Variants in LTK observed in about 807,000 individuals in gnomAD.
The protein encoded by LTK is leukocyte tyrosine kinase receptor.
Under a neutral mutation model 101.5 loss-of-function variants are expected in LTK, and 117 were observed. The observed-to-expected ratio is 1.15, with a 90% CI of 0.99 to 1.34. The LOEUF is 1.34. LTK is among the 40% of genes most tolerant of loss of function. The pLI is 0.00. For missense variants in LTK, 1,252 were observed against 1,164.7 expected (o/e 1.07, Z -1.09); for synonymous variants, 563 against 494.2 (o/e 1.14, Z -1.85).
At position 41,504,080 on chromosome 15, in the gene LTK, G is replaced by T; in HGVS notation, c.2511C>A (p.Gly837=). 6.2e-7 allele frequency: 1 copy of T among 1,614,026 alleles called. No individual in the cohort carries two copies. Among genetic ancestry groups the T allele is most frequent in the Non-Finnish European group, 8.5e-7 (1 of 1,180,022 alleles). ...GCTTGAGGCCAGAGGACAGCCAGGG[G>T]CCAAGAGGGCTACCTCCCCAGCTTT... ...KLKSWGGSPL[G]PWLSSGLKPL... is the part of the protein sequence containing the mutation. The change falls in exon 20 of 20, where the codon GGC becomes GGA. Residue 837 remains glycine (G), a synonymous_variant. Coordinates refer to ENST00000263800, the MANE Select transcript of LTK (RefSeq NM_002344.6).
Position 41,509,077 on chromosome 15 carries a change from T to G in LTK, c.1050A>C (p.Val350=). 1.2e-6 allele frequency: 2 copies of G among 1,613,838 alleles called. No individual in the cohort carries two copies. The highest frequency in any genetic ancestry group is 1.7e-6 in the Non-Finnish European group (2 of 1,179,914). ...GCTCGCTGCTGGGGTGTATGAAGGA[T>G]ACTCCATCTTCCCCATCAGCCCAGA... The part of the protein sequence containing the change: ...DNLWADGEDG[V]SFIHPSSELF... Residue 350 remains valine, a synonymous_variant, in exon 8 of 20, where the codon GTA becomes GTC. Transcript: ENST00000263800.
At position 41,505,228 on chromosome 15, in the gene LTK, C is replaced by T. The variant is rs138900025; in HGVS notation, c.1905G>A (p.Glu635=). Residue 635 remains glutamate (E), a synonymous_variant, in exon 15 of 20, where the codon GAG becomes GAA. Transcript: ENST00000263800. ...CTAACCTGTGGATGAAGTGATTTTCCTCCAGGTAGTGGCAGCCCTGGGCTA... is the reference window on the plus strand; with the variant it reads ...CTAACCTGTGGATGAAGTGATTTTCTTCCAGGTAGTGGCAGCCCTGGGCTA... ...QDIAQGCHYL[E]ENHFIHRDIA... is the part of the protein sequence containing the mutation. 8.0e-5 allele frequency: 129 copies of T among 1,613,964 alleles called. No homozygotes were observed. The African/African-American group carries it at 1.6e-3, about 20-fold the overall frequency.
At chr15:41,505,636 C>T in intron 13 of LTK, 77 bp downstream of exon 13, 2 of 1,604,584 alleles carry the variant, frequency 1.2e-6, no homozygotes, top group South Asian at 1.1e-5. Flanking sequence ...CTTGCTACCT[C>T]AGCCTCAGGG....
chr15:41,509,015 G>A lies in LTK; in HGVS notation c.1096+16C>T, dbSNP rs778435465. ...GAAGTCCAGGCCAGGCTCAGAGGTGGGGTTGGGGCCAATACCTGCCAGAGG... is the reference window on the plus strand; with the variant it reads ...GAAGTCCAGGCCAGGCTCAGAGGTGAGGTTGGGGCCAATACCTGCCAGAGG... On this transcript the variant is annotated intron_variant, in intron 8 of 19. Coordinates refer to ENST00000263800, the MANE Select transcript of LTK (RefSeq NM_002344.6). 1 of 1,575,076 alleles carries A rather than the reference G, an allele frequency of 6.3e-7. No individual in the cohort carries two copies. The highest frequency in any genetic ancestry group is 8.7e-7 in the Non-Finnish European group (1 of 1,154,840).
In LTK at chr15:41,504,988, C is replaced by T. The variant is rs2051213564; in HGVS notation, c.2002G>A (p.Ala668Thr). The change falls in exon 16 of 20, where the codon GCA becomes ACA. Residue 668 changes from alanine (A) to threonine (T), a missense_variant. Ala to Thr is a moderately conservative substitution (Grantham distance 58). Transcript: ENST00000263800. ...GTCCCGCACCGGTAGATATCTCGTG[C>T]CATCCCAAAGTCCCCAATCTTGGCC... ...RVAKIGDFGMARDIYRASYYR... is the reference protein window; with the variant it reads ...RVAKIGDFGMTRDIYRASYYR... 1.2e-6 allele frequency: 2 copies of T among 1,611,944 alleles called. No homozygotes were observed. Among genetic ancestry groups the T allele is most frequent in the Non-Finnish European group, 1.7e-6 (2 of 1,178,994 alleles).
chr15:41,507,803 T>C, intron 9 of LTK, 146 bp from the exon 10 acceptor site: 1 of 868,908 alleles, frequency 1.2e-6, no homozygotes, highest in Admixed American at 2.8e-5. Flanking sequence ...AACCTCTCCC[T>C]CTTGAACACC....
chr15:41,507,138 G>C lies in LTK; in HGVS notation c.1498C>G (p.Pro500Ala). The C allele has an allele frequency of 6.2e-7, 1 of 1,613,550 alleles. No individual in the cohort carries two copies. The highest frequency in any genetic ancestry group is 8.5e-7 in the Non-Finnish European group (1 of 1,179,904). The change falls in exon 11 of 20, where the codon CCA becomes GCA. Residue 500 changes from proline to alanine, a missense_variant. Transcript: ENST00000263800. ...LGPAQSWPLP[P>A]GVTEVSPANV... ...GCTGGGGAAACCTCGGTGACACCTG[G>C]TGGCAGAGGCCAGGACTGGGCCGGG...
chr15:41,503,726 G>A lies in LTK; in HGVS notation c.*270C>T. 1 of 653,966 alleles carries A rather than the reference G, an allele frequency of 1.5e-6. No homozygotes were observed. Among genetic ancestry groups the A allele is most frequent in the South Asian group, 1.5e-5 (1 of 68,372 alleles). 40.5% of individuals were successfully genotyped at this position (653,966 alleles called of 1,614,324 possible). A position where few individuals can be genotyped will look rare whatever the true frequency, so the allele number is the denominator to read the frequency against. ...ATGCTCATAATGGGAGAGCAATCCA[G>A]TGCTCCCCATGGACACCTGGGGTGT... On this transcript the variant is annotated 3_prime_UTR_variant, in exon 20 of 20. Coordinates refer to ENST00000263800, the MANE Select transcript of LTK (RefSeq NM_002344.6).
Position 41,512,814 on chromosome 15 carries a change from T to C in LTK, c.252A>G (p.Thr84=). Residue 84 remains threonine (T), a synonymous_variant, in exon 3 of 20, where the codon ACA becomes ACG. Coordinates refer to ENST00000263800, the MANE Select transcript of LTK (RefSeq NM_002344.6). The part of the protein sequence containing the change: ...GASGRHGPTQ[T]QCDGAYAGTS... ...TCCCCGCGTACGCCCCGTCACATTG[T>C]GTCTGTGTGGGCCCATGCCGGCCGC... 1 of 1,612,686 alleles carries C rather than the reference T, an allele frequency of 6.2e-7. No individual in the cohort carries two copies. The highest frequency in any genetic ancestry group is 8.5e-7 in the Non-Finnish European group (1 of 1,179,864).
intron 12 of LTK, 23 bp from the exon 13 acceptor site, chr15:41,505,800 T>G (rs1459609044): frequency 6.2e-7 from 1 of 1,613,000 alleles, no homozygotes; most frequent in Non-Finnish European, 8.5e-7. Flanking sequence ...AGGGCACAGT[T>G]TCTGAGCTGC....
At chr15:41,512,321 G>A in intron 3 of LTK, 56 bp from the exon 4 acceptor site, 1 of 1,560,966 alleles carries the variant, frequency 6.4e-7, no homozygotes, top group East Asian at 2.3e-5. Context: ...GGCCGCTCCG[G>A]GCAGAAGTTG....
rs2051157015 is a variant in LTK, at chr15:41,503,917, A to G, written c.*79T>C. Reference sequence around the variant, plus strand: ...TGCAGGGAACAGAGGCCGCTGGCATAACAGGCCACCCAGGAGCCTGAGGAG... The same window carrying G: ...TGCAGGGAACAGAGGCCGCTGGCATGACAGGCCACCCAGGAGCCTGAGGAG... On this transcript the variant is annotated 3_prime_UTR_variant, in exon 20 of 20. Coordinates refer to ENST00000263800, the MANE Select transcript of LTK (RefSeq NM_002344.6). 1.4e-6 allele frequency: 2 copies of G among 1,478,324 alleles called. No individual in the cohort carries two copies. The highest frequency in any genetic ancestry group is 1.8e-6 in the Non-Finnish European group (2 of 1,107,042). 91.6% of individuals were successfully genotyped at this position (1,478,324 alleles called of 1,614,324 possible). A position where few individuals can be genotyped will look rare whatever the true frequency, so the allele number is the denominator to read the frequency against.
intron 11 of LTK, 135 bp downstream of exon 11, chr15:41,506,959 CT>C: frequency 1.3e-6 from 1 of 745,312 alleles, no homozygotes; most frequent in South Asian, 2.0e-5. Flanking sequence ...TCTGGAGCTT[CT>C]CAGGGCCTCC....
At position 41,505,055 on chromosome 15, in the gene LTK, G is replaced by A. The variant is rs758325566; in HGVS notation, c.1935C>T (p.Ala645=). ...CGCAGCTCAGCAGGCAGTTCCGGGC[G>A]GCAATATCCCTACAGAGTAGGCAAA... ...EENHFIHRDI[A]ARNCLLSCAG... The change falls in exon 16 of 20, where the codon GCC becomes GCT. Residue 645 remains alanine, a synonymous_variant. Transcript: ENST00000263800. 3.7e-5 allele frequency: 60 copies of A among 1,612,750 alleles called. No homozygotes were observed. Among genetic ancestry groups the A allele is most frequent in the African/African-American group, 2.3e-4 (17 of 74,856 alleles).
intron 11 of LTK, 66 bp from the exon 12 acceptor site, chr15:41,506,071 A>G (rs1173261940): frequency 9.1e-6 from 9 of 993,636 alleles, no homozygotes; most frequent in Non-Finnish European, 1.3e-5. Flanking sequence ...AGAGTCTAGT[A>G]CCCCCTTTAC....
chr15:41,508,765 G>A (rs1294866364), intron 8 of LTK, among the ~76,000 whole-genome samples: 1 of 152,136 alleles, frequency 6.6e-6, no homozygotes, highest in Non-Finnish European at 1.5e-5. Flanking sequence ...TACTTGAAAA[G>A]CACGCAGCAT....
rs762878533 is a variant in LTK, at chr15:41,504,985, G to A, written c.2005C>T (p.Arg669Ter). Reference sequence around the variant, plus strand: ...CAAGTCCCGCACCGGTAGATATCTCGTGCCATCCCAAAGTCCCCAATCTTG... The same window carrying A: ...CAAGTCCCGCACCGGTAGATATCTCATGCCATCCCAAAGTCCCCAATCTTG... Reference protein sequence around the residue: ...VAKIGDFGMARDIYRASYYRR... With the variant: ...VAKIGDFGMA The change falls in exon 16 of 20, where the codon CGA becomes TGA. Residue 669 changes from arginine to a stop codon, truncating the protein, a stop_gained. Transcript: ENST00000263800. LOFTEE classifies it high-confidence loss of function. 70 of 1,611,930 alleles carry A rather than the reference G, an allele frequency of 4.3e-5. No homozygotes were observed. Among genetic ancestry groups the A allele is most frequent in the South Asian group, 4.4e-5 (4 of 90,798 alleles).
chr15:41,512,841 G>T lies in LTK; in HGVS notation c.225C>A (p.Ala75=), dbSNP rs757756742. Residue 75 remains alanine, a synonymous_variant, in exon 3 of 20, where the codon GCC becomes GCA. Coordinates refer to ENST00000263800, the MANE Select transcript of LTK (RefSeq NM_002344.6). ...EGSWLFSTCG[A]SGRHGPTQTQ... The stretch of plus-strand genomic sequence containing the variant: ...TCTGTGTGGGCCCATGCCGGCCGCT[G>T]GCCCCGCAGGTAGAAAACAGCCAAG... 9.9e-6 allele frequency: 16 copies of T among 1,612,250 alleles called. No individual in the cohort carries two copies. The highest frequency in any genetic ancestry group is 1.7e-5 in the Admixed American group (1 of 59,932).
Position 41,507,596 on chromosome 15 carries a change from C to G in LTK, c.1311G>C (p.Leu437=). 6.2e-7 allele frequency: 1 copy of G among 1,613,968 alleles called. No individual in the cohort carries two copies. The highest frequency in any genetic ancestry group is 8.5e-7 in the Non-Finnish European group (1 of 1,179,988). ...GGACCCCACACACCATAAGGAGGCTCAGTGTTGAGGTTGCCACCACAGCCA... is the reference window on the plus strand; with the variant it reads ...GGACCCCACACACCATAAGGAGGCTGAGTGTTGAGGTTGCCACCACAGCCA... ...LMVAVVATST[L]SLLMVCGVLI... Residue 437 remains leucine (L), a synonymous_variant, in exon 10 of 20, where the codon CTG becomes CTC. Coordinates refer to ENST00000263800, the MANE Select transcript of LTK (RefSeq NM_002344.6).
Sources: allele counts gnomAD v4.1 joint callset (sites outside exome capture counted in the v4.1 genomes callset), GRCh38; gene constraint gnomAD v4.1.1; transcripts MANE v1.5; gene names NCBI Gene and HGNC (gene_info 2026-07-23, HGNC 2026-07-21).